Variants in VWA8 observed in about 807,000 individuals in gnomAD.
The protein encoded by VWA8 is von Willebrand factor A domain-containing protein 8.
Under a neutral mutation model 241.5 loss-of-function variants are expected in VWA8, and 221 were observed. The observed-to-expected ratio is 0.91, with a 90% CI of 0.82 to 1.02. The LOEUF (loss-of-function observed/expected upper bound fraction) is 1.02, where lower values mean the gene tolerates loss of function less well. Among genes scored for constraint, VWA8 ranks in the 50% least tolerant of loss-of-function variants. The pLI is 0.00. For missense variants in VWA8, 2,322 were observed against 2,328.7 expected (o/e 1.00, Z 0.06); for synonymous variants, 852 against 827.1 (o/e 1.03, Z -0.52).
chr13:41,717,103 CT>C lies in VWA8; in HGVS notation c.3116+2487del, dbSNP rs796355078. Among the ~76,000 whole-genome samples the C allele has an allele frequency of 5.9e-5, 9 of 151,936 alleles. 1 individual carries two copies. Among genetic ancestry groups the C allele is most frequent in the African/African-American group, 2.2e-4 (9 of 41,480 alleles). On this transcript the variant is annotated intron_variant, in intron 26 of 44. Transcript: ENST00000379310. ...AAAGGATGTTAGAATAGAAAGGAAC[CT>C]TACTGATGATCCACAATGAAGATAA...
chr13:41,819,331 C>A lies in VWA8; in HGVS notation c.1756G>T (p.Val586Phe), dbSNP rs778670406. The change falls in exon 15 of 45, where the codon GTT becomes TTT. Residue 586 changes from valine to phenylalanine, a missense_variant. Physicochemically the swap from Val to Phe is conservative, Grantham distance 50. Transcript: ENST00000379310. ...FRIIALAEPP[V>F]IGSTAHQWLG... ...CACTGGTGTGCTGTGCTTCCAATAA[C>A]AGGGGGTTCTGCCAAGGCAATGATT... is the stretch of plus-strand genomic sequence containing the variant. 5.0e-6 allele frequency: 8 copies of A among 1,611,968 alleles called. No homozygotes were observed. Among genetic ancestry groups the A allele is most frequent in the Non-Finnish European group, 6.8e-6 (8 of 1,179,528 alleles).
At chr13:41,743,579 CAAATAA>C (rs998270338) in intron 21 of VWA8, among the ~76,000 whole-genome samples, 1 of 152,198 alleles carries the variant, frequency 6.6e-6, no homozygotes, top group Non-Finnish European at 1.5e-5. Flanking sequence ...TGTCTCACCA[CAAATAA>C]ACTACAATTA....
chr13:41,708,744 T>C (rs1034789768), intron 26 of VWA8, among the ~76,000 whole-genome samples: 2 of 152,166 alleles, frequency 1.3e-5, no homozygotes, highest in Admixed American at 6.5e-5. Flanking sequence ...TTTGGGAAAT[T>C]TGCTATTCTT....
chr13:41,641,283 T>C (rs1394712420), intron 37 of VWA8, among the ~76,000 whole-genome samples: 2 of 152,086 alleles, frequency 1.3e-5, no homozygotes, highest in Non-Finnish European at 2.9e-5. Flanking sequence ...GGTAAACAAC[T>C]AGAGCGAGAA....
chr13:41,768,166 T>C (rs1253708811), intron 20 of VWA8, among the ~76,000 whole-genome samples: 1 of 152,204 alleles, frequency 6.6e-6, no homozygotes, highest in East Asian at 1.9e-4. Flanking sequence ...AGACACTAAG[T>C]TATCAAATTC....
chr13:41,645,988 C>T lies in VWA8; in HGVS notation c.4611+24958G>A, dbSNP rs1321362478. ...TGATTTTTTTTTTTTTTTTTTGAGA[C>T]GGAGTTTTGCTCTTGTTGCCCAGGC... On this transcript the variant is annotated intron_variant, in intron 37 of 44. Coordinates refer to ENST00000379310, the MANE Select transcript of VWA8 (RefSeq NM_015058.2). Among the ~76,000 whole-genome samples the T allele has an allele frequency of 2.3e-4, 31 of 136,436 alleles. No individual in the cohort carries two copies. The East Asian group carries it at 4.0e-3, about 18-fold the overall frequency. 89.5% of individuals were successfully genotyped at this position (136,436 alleles called of 152,430 possible). A position where few individuals can be genotyped will look rare whatever the true frequency, so the allele number is the denominator to read the frequency against.
chr13:41,929,569 G>A (rs1388301560), intron 2 of VWA8, among the ~76,000 whole-genome samples: 1 of 152,116 alleles, frequency 6.6e-6, no homozygotes, highest in East Asian at 1.9e-4. Context: ...CAGACACATA[G>A]ACCAGTATAA....
intron 4 of VWA8, among the ~76,000 whole-genome samples, chr13:41,898,838 T>C (rs1476562378): frequency 2.0e-5 from 3 of 152,278 alleles, no homozygotes; most frequent in South Asian, 2.1e-4. Flanking sequence ...AAGTCCCTCA[T>C]TGCCCGGGGC....
chr13:41,591,090 T>A (rs373176155), intron 40 of VWA8, among the ~76,000 whole-genome samples: 108 of 152,320 alleles, frequency 7.1e-4, no homozygotes, highest in Middle Eastern at 3.4e-3. Context: ...TTCTCAAAAG[T>A]TTATTAGTTA....
At chr13:41,780,200 A>C (rs561212663) in intron 19 of VWA8, among the ~76,000 whole-genome samples, 74 of 152,276 alleles carry the variant, frequency 4.9e-4, no homozygotes, top group African/African-American at 1.7e-3. Flanking sequence ...CCCACATGTC[A>C]GCATTCAAAG....
At chr13:41,821,209 T>C (rs1870943706) in intron 14 of VWA8, among the ~76,000 whole-genome samples, 1 of 152,220 alleles carries the variant, frequency 6.6e-6, no homozygotes, top group Non-Finnish European at 1.5e-5. Flanking sequence ...GGCCCATATA[T>C]TGTCAATAGT....
intron 9 of VWA8, among the ~76,000 whole-genome samples, chr13:41,879,384 C>T (rs1163377703): frequency 2.7e-4 from 6 of 21,982 alleles, no homozygotes; most frequent in Admixed American, 1.1e-3. Flanking sequence ...TACACACATA[C>T]ACACACACAC....
At chr13:41,803,868 T>A (rs1870069256) in intron 17 of VWA8, among the ~76,000 whole-genome samples, 1 of 152,166 alleles carries the variant, frequency 6.6e-6, no homozygotes. Context: ...AAGTAAAAAT[T>A]CTGGAGCTGA....
intron 4 of VWA8, among the ~76,000 whole-genome samples, chr13:41,893,256 T>C (rs1874931229): frequency 6.6e-6 from 1 of 152,136 alleles, no homozygotes; most frequent in Non-Finnish European, 1.5e-5. Flanking sequence ...TAATACACTG[T>C]TGAATTTTGC....
intron 17 of VWA8, among the ~76,000 whole-genome samples, chr13:41,792,216 A>G (rs2137949354): frequency 6.6e-6 from 1 of 151,834 alleles, no homozygotes; most frequent in Non-Finnish European, 1.5e-5. Flanking sequence ...TAGTTACTTT[A>G]TAGTCCCTGA....
At chr13:41,571,303 TCTCCCTC>T (rs1273504973) in intron 43 of VWA8, among the ~76,000 whole-genome samples, 1 of 144,626 alleles carries the variant, frequency 6.9e-6, no homozygotes, top group Non-Finnish European at 1.5e-5. Context: ...CCCGTCTCCC[TCTCCCTC>T]CTCCCTCTCC....
At chr13:41,848,181 A>C (rs1408988298) in intron 12 of VWA8, among the ~76,000 whole-genome samples, 1 of 152,210 alleles carries the variant, frequency 6.6e-6, no homozygotes, top group Non-Finnish European at 1.5e-5. Context: ...CCTTCCTCAC[A>C]AAACTAAAGC....
intron 35 of VWA8, 36 bp downstream of exon 35, chr13:41,685,011 C>A (rs778342535): frequency 1.3e-6 from 2 of 1,580,648 alleles, no homozygotes; most frequent in Admixed American, 1.8e-5. Context: ...CTTTAAACCA[C>A]CTTTGTAAAT....
intron 1 of VWA8, among the ~76,000 whole-genome samples, chr13:41,954,072 A>G (rs1279952973): frequency 6.6e-6 from 1 of 152,220 alleles, no homozygotes; most frequent in Non-Finnish European, 1.5e-5. Flanking sequence ...TGGACCAGGC[A>G]TCTGCCATCT....
Sources: allele counts gnomAD v4.1 joint callset (sites outside exome capture counted in the v4.1 genomes callset), GRCh38; gene constraint gnomAD v4.1.1; transcripts MANE v1.5; gene names NCBI Gene and HGNC (gene_info 2026-07-23, HGNC 2026-07-21).